The following SGK1 variants were observed in gnomAD, a reference collection of about 807,000 sequenced individuals.
SGK1 encodes the protein serum/glucocorticoid regulated kinase 1.
Under a neutral mutation model 64.2 loss-of-function variants are expected in SGK1, and 26 were observed. The observed-to-expected ratio is 0.40, with a 90% CI of 0.30 to 0.56. SGK1 has a LOEUF of 0.56. Ranked by LOEUF, SGK1 falls within the 20% of genes least tolerant of loss-of-function variation. SGK1 has a pLI of 0.38. For missense variants in SGK1, 519 were observed against 645.6 expected (o/e 0.80, Z 2.12); for synonymous variants, 265 against 239.7 (o/e 1.11, Z -0.98).
At chr6:134,306,913 G>GGT (rs1554228779) in intron 1 of SGK1, among the ~76,000 whole-genome samples, 2 of 135,318 alleles carry the variant, frequency 1.5e-5, no homozygotes, top group Non-Finnish European at 3.1e-5. Context: ...GAAATAAAAG[G>GGT]GGGGGGGGGC....
intron 2 of SGK1, among the ~76,000 whole-genome samples, chr6:134,245,227 T>A (rs1776509124): frequency 6.6e-6 from 1 of 152,202 alleles, no homozygotes; most frequent in Non-Finnish European, 1.5e-5. Flanking sequence ...TGAGGCACCA[T>A]GCCAAGCCCT....
rs537173165 is a variant in SGK1 at position 134,170,025 on chromosome 6, C to T, written c.*243G>A. The T allele has an allele frequency of 1.1e-4, 34 of 315,884 alleles. No homozygotes were observed. The highest frequency in any genetic ancestry group is 3.6e-4 in the East Asian group (7 of 19,342). The allele number at this position is 315,884 out of a possible 1,614,324, so 19.6% of individuals were successfully genotyped here. Reference sequence around the variant, plus strand: ...GCCTCCGTCTAAGGCGGCACTCTAACGCTCGTTTCAGAGATAGCACCACGT... The same window carrying T: ...GCCTCCGTCTAAGGCGGCACTCTAATGCTCGTTTCAGAGATAGCACCACGT... On this transcript the variant is annotated 3_prime_UTR_variant, in exon 14 of 14. Transcript: ENST00000367858.
At chr6:134,312,944 T>G (rs765343599) in intron 1 of SGK1, among the ~76,000 whole-genome samples, 43 of 152,148 alleles carry the variant, frequency 2.8e-4, no homozygotes, top group Non-Finnish European at 4.4e-4. Flanking sequence ...GGTTCATTTT[T>G]GTATTTTTAG....
intron 1 of SGK1, among the ~76,000 whole-genome samples, chr6:134,303,269 G>A (rs955186421): frequency 1.8e-4 from 28 of 151,956 alleles, no homozygotes; most frequent in African/African-American, 6.8e-4. Context: ...GCAGGCGCCT[G>A]TAATCCCAGC....
At chr6:134,206,771 G>A (rs1284742893) in intron 3 of SGK1, among the ~76,000 whole-genome samples, 1 of 151,174 alleles carries the variant, frequency 6.6e-6, no homozygotes, top group Non-Finnish European at 1.5e-5. Flanking sequence ...GGGGGCTGAA[G>A]CAGGAGAATC....
intron 1 of SGK1, among the ~76,000 whole-genome samples, chr6:134,303,559 AG>A (rs915010326): frequency 5.3e-5 from 8 of 152,096 alleles, no homozygotes; most frequent in Non-Finnish European, 1.5e-5. Context: ...TTTAAAAAAA[AG>A]ATCATAGATA....
At chr6:134,201,933 C>T (rs528552517) in intron 3 of SGK1, among the ~76,000 whole-genome samples, 10 of 152,188 alleles carry the variant, frequency 6.6e-5, no homozygotes, top group Admixed American at 4.6e-4. Flanking sequence ...GAAACAATTG[C>T]GTCACCTAGT....
chr6:134,293,924 T>A (rs1777302560), intron 1 of SGK1, among the ~76,000 whole-genome samples: 1 of 152,202 alleles, frequency 6.6e-6, no homozygotes, highest in East Asian at 1.9e-4. Flanking sequence ...CCTGTGTACA[T>A]CCAGAAGGTG....
chr6:134,213,246 G>T (rs142794139), intron 2 of SGK1, among the ~76,000 whole-genome samples: 12 of 152,252 alleles, frequency 7.9e-5, no homozygotes, highest in Admixed American at 7.2e-4. Context: ...TCTTGGCCGG[G>T]TATGGGGGGT....
intron 1 of SGK1, among the ~76,000 whole-genome samples, chr6:134,279,250 G>A (rs186234045): frequency 6.6e-6 from 1 of 152,130 alleles, no homozygotes; most frequent in East Asian, 1.9e-4. Context: ...TGGCCAACAT[G>A]GTGAAACCCC....
intron 1 of SGK1, among the ~76,000 whole-genome samples, chr6:134,289,737 C>A (rs2114779123): frequency 6.6e-6 from 1 of 152,126 alleles, no homozygotes; most frequent in South Asian, 2.1e-4. Flanking sequence ...CCCTATAGGT[C>A]TCATATGTAG....
intron 3 of SGK1, among the ~76,000 whole-genome samples, chr6:134,205,070 A>G (rs1411982924): frequency 6.6e-6 from 1 of 152,120 alleles, no homozygotes; most frequent in East Asian, 1.9e-4. Flanking sequence ...TGCTTCACAG[A>G]TAGAGCAGTC....
intron 1 of SGK1, among the ~76,000 whole-genome samples, chr6:134,267,482 G>C (rs908602787): frequency 6.6e-6 from 1 of 151,680 alleles, no homozygotes; most frequent in Non-Finnish European, 1.5e-5. Context: ...TTGGAGAGAC[G>C]GTGTCTCATT....
intron 1 of SGK1, among the ~76,000 whole-genome samples, chr6:134,294,546 C>G (rs1777316016): frequency 6.6e-6 from 1 of 152,016 alleles, no homozygotes; most frequent in African/African-American, 2.4e-5. Flanking sequence ...TATTTTATTT[C>G]ATTTTTGAAA....
intron 1 of SGK1, among the ~76,000 whole-genome samples, chr6:134,280,090 A>T (rs1462502948): frequency 1.3e-5 from 2 of 151,766 alleles, no homozygotes; most frequent in African/African-American, 4.8e-5. Flanking sequence ...AGACACTCAG[A>T]AGGCTGAGGT....
rs376086105 is a variant in SGK1, at chr6:134,220,769, T to G, written c.286-13338A>C. On this transcript the variant is annotated intron_variant, in intron 2 of 13. Transcript: ENST00000367858. ...AGTCATATACTCCTCTCGGGAGAGATATAATTTTTTGATAGAAGCCTGGCC... is the reference window on the plus strand; with the variant it reads ...AGTCATATACTCCTCTCGGGAGAGAGATAATTTTTTGATAGAAGCCTGGCC... Among the ~76,000 whole-genome samples the G allele has an allele frequency of 7.2e-5, 11 of 152,250 alleles. No homozygotes were observed. The South Asian group carries it at 1.5e-3, about 20-fold the overall frequency.
chr6:134,173,425 A>T (rs755354733), intron 6 of SGK1, 37 bp downstream of exon 6: 1 of 1,579,766 alleles, frequency 6.3e-7, no homozygotes, highest in South Asian at 1.1e-5. Context: ...GAGGACATGA[A>T]GGAAGTGTAC....
chr6:134,301,929 A>G (rs992302068), intron 1 of SGK1, among the ~76,000 whole-genome samples: 2 of 152,226 alleles, frequency 1.3e-5, no homozygotes, highest in African/African-American at 2.4e-5. Flanking sequence ...ATATGGATGG[A>G]TAAGTGTCAA....
intron 2 of SGK1, chr6:134,261,140 C>G (rs1776761011): frequency 2.0e-5 from 3 of 152,034 alleles, no homozygotes; most frequent in Admixed American, 2.0e-4. Flanking sequence ...CTTGGAGTAG[C>G]AGGGAAAATA....
Sources: allele counts gnomAD v4.1 joint callset (sites outside exome capture counted in the v4.1 genomes callset), GRCh38; gene constraint gnomAD v4.1.1; transcripts MANE v1.5; gene names NCBI Gene and HGNC (gene_info 2026-07-23, HGNC 2026-07-21).